Variants in CCL13 observed in about 807,000 individuals in gnomAD.
The protein encoded by CCL13 is C-C motif chemokine 13.
In CCL13, 5 loss-of-function variants were observed where a neutral mutation model predicts 6.6. The observed-to-expected ratio is 0.76, with a 90% CI of 0.40 to 1.60. The LOEUF is 1.60. CCL13 is among the 40% of genes most tolerant of loss of function. The probability of loss-of-function intolerance (pLI) is 0.02; values close to 1 mark genes in which losing one functional copy is unlikely to be tolerated. For synonymous variants in CCL13, 39 were observed against 43.0 expected (o/e 0.91, Z 0.37); for missense variants, 117 against 114.2 (o/e 1.02, Z -0.11).
In CCL13 at chr17:34,358,339, G is replaced by A. The variant is rs1028724162; in HGVS notation, c.*208G>A. ...GTTTGGAGTTTATTTGAGTATTGCT[G>A]ATCTTTTCTAAAGCAAGGCCTTGAG... is the stretch of plus-strand genomic sequence containing the variant. On this transcript the variant is annotated 3_prime_UTR_variant, in exon 3 of 3. Coordinates refer to ENST00000225844, the MANE Select transcript of CCL13 (RefSeq NM_005408.3). 3.6e-6 allele frequency: 2 copies of A among 554,868 alleles called. No individual in the cohort carries two copies. Among genetic ancestry groups the A allele is most frequent in the African/African-American group, 3.8e-5 (2 of 52,238 alleles). 34.4% of individuals were successfully genotyped at this position (554,868 alleles called of 1,614,324 possible).
chr17:34,357,655 G>A, intron 2 of CCL13, 66 bp downstream of exon 2: 1 of 958,836 alleles, frequency 1.0e-6, no homozygotes, highest in Non-Finnish European at 1.7e-6. Flanking sequence ...CCAAAGTTCT[G>A]CCCCAGGAGA....
rs771895967 is a variant in CCL13, at chr17:34,358,217, T to C, written c.*86T>C. ...TGGCCTCCTCTTCTATGCTTTGGAA[T>C]ACTTCTACCATAATTTTCAAATAGG... On this transcript the variant is annotated 3_prime_UTR_variant, in exon 3 of 3. Coordinates refer to ENST00000225844, the MANE Select transcript of CCL13 (RefSeq NM_005408.3). The C allele has an allele frequency of 7.0e-6, 6 of 858,150 alleles. No homozygotes were observed. Among genetic ancestry groups the C allele is most frequent in the Admixed American group, 4.6e-5 (2 of 43,922 alleles). 53.2% of individuals were successfully genotyped at this position (858,150 alleles called of 1,614,324 possible). A position where few individuals can be genotyped will look rare whatever the true frequency, so the allele number is the denominator to read the frequency against.
chr17:34,357,717 G>A (rs1035345863), intron 2 of CCL13, 128 bp downstream of exon 2: 11 of 675,596 alleles, frequency 1.6e-5, no homozygotes, highest in South Asian at 1.3e-4. Context: ...CAGACTGTGT[G>A]ATGCAAATCC....
chr17:34,358,297 T>C lies in CCL13; in HGVS notation c.*166T>C. The C allele has an allele frequency of 3.2e-6, 2 of 631,810 alleles. No individual in the cohort carries two copies. The highest frequency in any genetic ancestry group is 2.8e-6 in the Non-Finnish European group (1 of 358,742). 39.1% of individuals were successfully genotyped at this position (631,810 alleles called of 1,614,324 possible). On this transcript the variant is annotated 3_prime_UTR_variant, in exon 3 of 3. Coordinates refer to ENST00000225844, the MANE Select transcript of CCL13 (RefSeq NM_005408.3). Reference sequence around the variant, plus strand: ...CTATGTGTTAAGTAATATTGGCTATTATTTGACTTGTTGCTGGTTTGGAGT... The same window carrying C: ...CTATGTGTTAAGTAATATTGGCTATCATTTGACTTGTTGCTGGTTTGGAGT...
At position 34,358,050 on chromosome 17, in the gene CCL13, G is replaced by T. The variant is rs762960516; in HGVS notation, c.216G>T (p.Glu72Asp). 6.2e-7 allele frequency: 1 copy of T among 1,613,742 alleles called. No individual in the cohort carries two copies. The highest frequency in any genetic ancestry group is 1.1e-5 in the South Asian group (1 of 91,062). The change falls in exon 3 of 3, where the codon GAG becomes GAT. Residue 72 changes from glutamate (E) to aspartate (D), a missense_variant. Transcript: ENST00000225844. ...GCTTCAGAACCAAACTGGGCAAGGAGATCTGTGCTGACCCAAAGGAGAAGT... is the reference window on the plus strand; with the variant it reads ...GCTTCAGAACCAAACTGGGCAAGGATATCTGTGCTGACCCAAAGGAGAAGT... ...AVIFRTKLGKEICADPKEKWV... is the reference protein window; with the variant it reads ...AVIFRTKLGKDICADPKEKWV...
In CCL13 at chr17:34,358,432, G is replaced by A. The variant is rs535679541; in HGVS notation, c.*301G>A. 1.9e-4 allele frequency: 70 copies of A among 374,030 alleles called. No homozygotes were observed. Among genetic ancestry groups the A allele is most frequent in the South Asian group, 4.4e-4 (17 of 38,334 alleles). The allele number at this position is 374,030 out of a possible 1,614,324, so 23.2% of individuals were successfully genotyped here. A position where few individuals can be genotyped will look rare whatever the true frequency, so the allele number is the denominator to read the frequency against. On this transcript the variant is annotated 3_prime_UTR_variant, in exon 3 of 3. Coordinates refer to ENST00000225844, the MANE Select transcript of CCL13 (RefSeq NM_005408.3). ...AGCTGCTGGCAGTGGGTTTGTATTC[G>A]GTTCCCAGGGGTTGAGAGCATGCCT...
Position 34,358,530 on chromosome 17 carries a change from A to AAT in CCL13, c.*402_*403dup, listed in dbSNP as rs1443666433. On this transcript the variant is annotated 3_prime_UTR_variant, in exon 3 of 3. Coordinates refer to ENST00000225844, the MANE Select transcript of CCL13 (RefSeq NM_005408.3). ...TCTTTGTGAATGTGAGGTGTTGCTA[A>AAT]ATATGTTATTGTGGAAAGATGAATG... 1 of 252,308 alleles carries AAT rather than the reference A, an allele frequency of 4.0e-6. No individual in the cohort carries two copies. Among genetic ancestry groups the AAT allele is most frequent in the Non-Finnish European group, 7.6e-6 (1 of 131,644 alleles). 15.6% of individuals were successfully genotyped at this position (252,308 alleles called of 1,614,324 possible). A position where few individuals can be genotyped will look rare whatever the true frequency, so the allele number is the denominator to read the frequency against.
In CCL13 at chr17:34,357,373, C is replaced by A. The variant is rs889879584; in HGVS notation, c.77-102C>A. The A allele has an allele frequency of 6.5e-5, 50 of 763,518 alleles. 1 individual carries two copies. In the Admixed American group the frequency reaches 6.7e-4, roughly 10 times the overall value. 47.3% of individuals were successfully genotyped at this position (763,518 alleles called of 1,614,324 possible). On this transcript the variant is annotated intron_variant, in intron 1 of 2. Coordinates refer to ENST00000225844, the MANE Select transcript of CCL13 (RefSeq NM_005408.3). Reference sequence around the variant, plus strand: ...GCTTGGGGGTGAGTAAGATCTATTTCTTCCTCTTTGCTTTGCATCCCATAC... The same window carrying A: ...GCTTGGGGGTGAGTAAGATCTATTTATTCCTCTTTGCTTTGCATCCCATAC...
chr17:34,356,734 G>A (rs1910359162), intron 1 of CCL13, 132 bp downstream of exon 1: 1 of 604,808 alleles, frequency 1.7e-6, no homozygotes, highest in Non-Finnish European at 3.0e-6. Flanking sequence ...AAGTGCAGGG[G>A]TGCGATCTTG....
chr17:34,357,352 G>T, intron 1 of CCL13, 123 bp from the exon 2 acceptor site: 2 of 653,992 alleles, frequency 3.1e-6, no homozygotes, highest in Non-Finnish European at 2.8e-6. Context: ...TGCTGGGCTT[G>T]GGGGTGAGTA....
chr17:34,358,017 C>T lies in CCL13; in HGVS notation c.192-9C>T. 6.2e-7 allele frequency: 1 copy of T among 1,601,294 alleles called. No individual in the cohort carries two copies. Among genetic ancestry groups the T allele is most frequent in the African/African-American group, 1.3e-5 (1 of 74,644 alleles). ...CCATCTAACTGTGCCAGATCTCCTT[C>T]CTCCACAGCTTCAGAACCAAACTGG... On this transcript the variant is annotated splice_polypyrimidine_tract_variant and intron_variant, in intron 2 of 2. Transcript: ENST00000225844.
intron 1 of CCL13, 71 bp downstream of exon 1, chr17:34,356,673 G>A: frequency 1.8e-6 from 2 of 1,085,888 alleles, no homozygotes; most frequent in Non-Finnish European, 2.8e-6. Flanking sequence ...CTAAGCCCGA[G>A]TGCTCCTCCA....
Position 34,358,106 on chromosome 17 carries a change from G to T in CCL13, c.272G>T (p.Arg91Leu). 6.2e-7 allele frequency: 1 copy of T among 1,613,632 alleles called. No homozygotes were observed. Among genetic ancestry groups the T allele is most frequent in the East Asian group, 2.2e-5 (1 of 44,882 alleles). Residue 91 changes from arginine to leucine, a missense_variant, in exon 3 of 3, where the codon CGG becomes CTG. Transcript: ENST00000225844. ...WVQNYMKHLG[R>L]KAHTLKT ...CAGAATTATATGAAACACCTGGGCC[G>T]GAAAGCTCACACCCTGAAGACTTGA...
Position 34,358,317 on chromosome 17 carries a change from T to G in CCL13, c.*186T>G. The G allele has an allele frequency of 3.3e-6, 2 of 605,042 alleles. No individual in the cohort carries two copies. Among genetic ancestry groups the G allele is most frequent in the African/African-American group, 3.7e-5 (2 of 53,374 alleles). The allele number at this position is 605,042 out of a possible 1,614,324, so 37.5% of individuals were successfully genotyped here. A position where few individuals can be genotyped will look rare whatever the true frequency, so the allele number is the denominator to read the frequency against. ...GCTATTATTTGACTTGTTGCTGGTT[T>G]GGAGTTTATTTGAGTATTGCTGATC... On this transcript the variant is annotated 3_prime_UTR_variant, in exon 3 of 3. Transcript: ENST00000225844.
intron 2 of CCL13, 53 bp downstream of exon 2, chr17:34,357,642 A>T (rs563401756): frequency 9.2e-7 from 1 of 1,081,778 alleles, no homozygotes; most frequent in East Asian, 2.4e-5. Flanking sequence ...CACATTCCCC[A>T]ATCCAAAGTT....
chr17:34,358,250 C>T lies in CCL13; in HGVS notation c.*119C>T, dbSNP rs528475517. ...CCATAATTTTCAAATAGGATGCATTCGGTTTTGTGATTCAAAATGTACTAT... is the reference window on the plus strand; with the variant it reads ...CCATAATTTTCAAATAGGATGCATTTGGTTTTGTGATTCAAAATGTACTAT... On this transcript the variant is annotated 3_prime_UTR_variant, in exon 3 of 3. Transcript: ENST00000225844. The T allele has an allele frequency of 1.4e-4, 100 of 710,592 alleles. 2 individuals carry two copies. The Middle Eastern group carries it at 2.8e-3, about 20-fold the overall frequency. The allele number at this position is 710,592 out of a possible 1,614,324, so 44.0% of individuals were successfully genotyped here. A position where few individuals can be genotyped will look rare whatever the true frequency, so the allele number is the denominator to read the frequency against.
In CCL13 at chr17:34,358,111, G is replaced by T. The variant is rs372653174; in HGVS notation, c.277G>T (p.Ala93Ser). 2.0e-5 allele frequency: 32 copies of T among 1,613,644 alleles called. No homozygotes were observed. The highest frequency in any genetic ancestry group is 2.5e-5 in the Non-Finnish European group (29 of 1,179,668). The change falls in exon 3 of 3, where the codon GCT becomes TCT. Residue 93 changes from alanine to serine, a missense_variant. Coordinates refer to ENST00000225844, the MANE Select transcript of CCL13 (RefSeq NM_005408.3). ...TTATATGAAACACCTGGGCCGGAAA[G>T]CTCACACCCTGAAGACTTGAACTCT... is the stretch of plus-strand genomic sequence containing the variant. ...QNYMKHLGRK[A>S]HTLKT
intron 1 of CCL13, among the ~76,000 whole-genome samples, chr17:34,356,884 A>G (rs1258090225): frequency 2.0e-5 from 3 of 152,154 alleles, no homozygotes; most frequent in African/African-American, 7.2e-5. Context: ...TATGTTGGCC[A>G]GGCTGGTCTC....
chr17:34,356,656 G>A, intron 1 of CCL13, 54 bp downstream of exon 1: 1 of 1,333,518 alleles, frequency 7.5e-7, no homozygotes, highest in East Asian at 2.3e-5. Context: ...CTCTATTCAA[G>A]GAAGACCTAA....
Sources: allele counts gnomAD v4.1 joint callset (sites outside exome capture counted in the v4.1 genomes callset), GRCh38; gene constraint gnomAD v4.1.1; transcripts MANE v1.5; gene names NCBI Gene and HGNC (gene_info 2026-07-23, HGNC 2026-07-21).